The following POFUT3 variants were observed in gnomAD, a reference collection of about 807,000 sequenced individuals.
POFUT3 encodes protein O-fucosyltransferase 3, also known as GDP-fucose protein O-fucosyltransferase 3.
At chr8:33,451,434 G>A in the POFUT3 span, among the ~76,000 whole-genome samples, 1 of 151,858 alleles carries the variant, frequency 6.6e-6, no homozygotes, top group African/African-American at 2.4e-5. Context: ...GTATATACGT[G>A]TGTATATATG....
the POFUT3 span, among the ~76,000 whole-genome samples, chr8:33,433,139 C>T: frequency 6.6e-6 from 1 of 151,920 alleles, no homozygotes; most frequent in Admixed American, 6.6e-5. Context: ...GAGGCTGAGG[C>T]AGGAGAACCA....
chr8:33,323,660 C>T, the POFUT3 span, among the ~76,000 whole-genome samples: 1 of 152,136 alleles, frequency 6.6e-6, no homozygotes, highest in African/African-American at 2.4e-5. Context: ...AACAGCCTAC[C>T]AAATCAGAAG....
the POFUT3 span, among the ~76,000 whole-genome samples, chr8:33,441,280 G>A: frequency 2.0e-3 from 299 of 147,356 alleles, 2 homozygotes; most frequent in Non-Finnish European, 3.4e-3. Flanking sequence ...GCAGTGAGCC[G>A]AGATCATGCC....
At chr8:33,337,852 C>G in the POFUT3 span, among the ~76,000 whole-genome samples, 1 of 152,204 alleles carries the variant, frequency 6.6e-6, no homozygotes, top group Non-Finnish European at 1.5e-5. Context: ...GTTCTAGAGG[C>G]TGGAAGTCCA....
the POFUT3 span, among the ~76,000 whole-genome samples, chr8:33,451,549 AAT>A: frequency 6.6e-6 from 1 of 151,644 alleles, no homozygotes; most frequent in African/African-American, 2.4e-5. Flanking sequence ...TGTATGCATA[AAT>A]GTGTATGTAT....
the POFUT3 span, among the ~76,000 whole-genome samples, chr8:33,366,927 T>C: frequency 6.6e-6 from 1 of 152,108 alleles, no homozygotes; most frequent in Non-Finnish European, 1.5e-5. Context: ...TTTACTCTTA[T>C]TTTTGTCACA....
chr8:33,309,844 A>G, the POFUT3 span, among the ~76,000 whole-genome samples: 2 of 152,304 alleles, frequency 1.3e-5, no homozygotes, highest in Admixed American at 1.3e-4. Flanking sequence ...TGGCAGGGGA[A>G]ACTGAATGGT....
chr8:33,412,382 C>T, the POFUT3 span, among the ~76,000 whole-genome samples: 46,052 of 152,016 alleles, frequency 0.3, 7,098 homozygotes, highest in South Asian at 0.44. Context: ...ATCCATTCAA[C>T]TCATTCTTCA....
the POFUT3 span, among the ~76,000 whole-genome samples, chr8:33,467,426 A>T: frequency 6.6e-6 from 1 of 152,146 alleles, no homozygotes; most frequent in African/African-American, 2.4e-5. Flanking sequence ...CTCTCATTTC[A>T]TCATTGCCTA....
chr8:33,319,629 T>A, the POFUT3 span, among the ~76,000 whole-genome samples: 1 of 1,316 alleles, frequency 7.6e-4, no homozygotes, highest in Non-Finnish European at 1.8e-3. Context: ...ATATATATAT[T>A]TTATATATAT....
chr8:33,370,583 A>G, the POFUT3 span, among the ~76,000 whole-genome samples: 2 of 152,238 alleles, frequency 1.3e-5, no homozygotes, highest in Non-Finnish European at 2.9e-5. Context: ...AAATTTGTTC[A>G]GGGATACATA....
chr8:33,462,862 T>C, the POFUT3 span, among the ~76,000 whole-genome samples: 1 of 150,720 alleles, frequency 6.6e-6, no homozygotes, highest in Non-Finnish European at 1.5e-5. Flanking sequence ...GCCCAGGAGG[T>C]CAAGGCTGCA....
At chr8:33,400,093 C>T in the POFUT3 span, among the ~76,000 whole-genome samples, 35 of 150,840 alleles carry the variant, frequency 2.3e-4, 1 homozygote, top group East Asian at 1.7e-3. Context: ...CCATCTAGGT[C>T]CCTTCCCTTT....
the POFUT3 span, among the ~76,000 whole-genome samples, chr8:33,411,788 CA>C: frequency 8.7e-5 from 13 of 150,172 alleles, no homozygotes; most frequent in Non-Finnish European, 1.5e-4. Context: ...AACTCCATCT[CA>C]AAAAAAAATA....
At chr8:33,415,649 TAA>T in the POFUT3 span, among the ~76,000 whole-genome samples, 1 of 151,938 alleles carries the variant, frequency 6.6e-6, no homozygotes, top group Non-Finnish European at 1.5e-5. Flanking sequence ...TCCAGCATAA[TAA>T]AGGGTAGAGA....
the POFUT3 span, among the ~76,000 whole-genome samples, chr8:33,317,834 C>G: frequency 6.6e-6 from 1 of 152,106 alleles, no homozygotes; most frequent in Non-Finnish European, 1.5e-5. Context: ...ACTTGACTTC[C>G]TTACCAGAGT....
At chr8:33,435,464 C>A in the POFUT3 span, among the ~76,000 whole-genome samples, 1 of 151,704 alleles carries the variant, frequency 6.6e-6, no homozygotes, top group African/African-American at 2.4e-5. Flanking sequence ...GATCTGCCCA[C>A]CTCGGCCTCC....
At chr8:33,383,497 C>T in the POFUT3 span, among the ~76,000 whole-genome samples, 1 of 152,150 alleles carries the variant, frequency 6.6e-6, no homozygotes, top group Admixed American at 6.6e-5. Context: ...CTAGGGTGTA[C>T]TGTCAAGAAC....
chr8:33,319,401 A>ATTTTATATAT, the POFUT3 span, among the ~76,000 whole-genome samples: 4 of 33,674 alleles, frequency 1.2e-4, 1 homozygote, highest in African/African-American at 6.4e-4. Context: ...TTTTATATAT[A>ATTTTATATAT]GTATATATTA....
Sources: allele counts gnomAD v4.1 joint callset (sites outside exome capture counted in the v4.1 genomes callset), GRCh38; gene constraint gnomAD v4.1.1; transcripts MANE v1.5; gene names NCBI Gene and HGNC (gene_info 2026-07-23, HGNC 2026-07-21).